Variants in KCNG2 observed in about 807,000 individuals in gnomAD.
The protein encoded by KCNG2 is potassium voltage-gated channel modifier subfamily G member 2, also known as voltage-gated potassium channel regulatory subunit KCNG2.
In KCNG2, 7 loss-of-function variants were observed where a neutral mutation model predicts 12.3. The ratio of observed to expected loss-of-function variants is 0.57; its 90% confidence interval spans 0.32 to 1.07. The LOEUF (loss-of-function observed/expected upper bound fraction) is 1.07, where lower values mean the gene tolerates loss of function less well. Among genes scored for constraint, KCNG2 ranks in the 50% least tolerant of loss-of-function variants. The pLI, the probability that KCNG2 is intolerant of heterozygous loss-of-function variation, is 0.04. For missense variants in KCNG2, 703 were observed against 726.0 expected (o/e 0.97, Z 0.36); for synonymous variants, 414 against 351.4 (o/e 1.18, Z -1.99).
At chr18:79,802,378 A>G (rs2087416684) in intron 1 of KCNG2, among the ~76,000 whole-genome samples, 1 of 151,814 alleles carries the variant, frequency 6.6e-6, no homozygotes, top group South Asian at 2.1e-4. Flanking sequence ...CCTGGCCTCA[A>G]CACCTGTCCC....
chr18:79,842,370 T>C (rs139758563), intron 1 of KCNG2, among the ~76,000 whole-genome samples: 124 of 152,306 alleles, frequency 8.1e-4, no homozygotes, highest in African/African-American at 2.8e-3. Flanking sequence ...GGGCTCTCCT[T>C]GCCAAAGCCA....
intron 3 of KCNG2, among the ~76,000 whole-genome samples, chr18:79,895,023 A>T (rs1980910413): frequency 6.6e-6 from 1 of 151,054 alleles, no homozygotes; most frequent in Non-Finnish European, 1.5e-5. Flanking sequence ...TACGATTGAT[A>T]TAGTTAGGTC....
chr18:79,884,494 C>T lies in KCNG2; in HGVS notation c.625-14546C>T, dbSNP rs1156398751. On this transcript the variant is annotated intron_variant, in intron 3 of 3. Transcript: ENST00000316249. This position sits in a 1 kb window ranked among gnomAD's most constrained non-coding sequence, Gnocchi z 5.5. ...GGATGGAGCCCCGGCCACTGGGTCCCCGGGGGAGAGCCAGGCTGTGATGTC... is the reference window on the plus strand; with the variant it reads ...GGATGGAGCCCCGGCCACTGGGTCCTCGGGGGAGAGCCAGGCTGTGATGTC... Among the ~76,000 whole-genome samples the T allele has an allele frequency of 6.6e-6, 1 of 152,194 alleles. No homozygotes were observed. The highest frequency in any genetic ancestry group is 1.5e-5 in the Non-Finnish European group (1 of 68,030).
intron 3 of KCNG2, among the ~76,000 whole-genome samples, chr18:79,864,600 C>T (rs67217537): frequency 0.35 from 53,386 of 151,936 alleles, 11,105 homozygotes; most frequent in Non-Finnish European, 0.45. Flanking sequence ...GCCCATCAGG[C>T]CTTCAAAGTT....
intron 1 of KCNG2, among the ~76,000 whole-genome samples, chr18:79,818,102 C>T (rs907842494): frequency 2.0e-5 from 3 of 152,240 alleles, no homozygotes; most frequent in Admixed American, 2.0e-4. Context: ...GCAGCACCTT[C>T]AGGCCAGGAA....
chr18:79,847,425 C>T (rs374767909), intron 1 of KCNG2, among the ~76,000 whole-genome samples: 10 of 152,206 alleles, frequency 6.6e-5, no homozygotes, highest in East Asian at 1.9e-4. Flanking sequence ...AACTGAGGGT[C>T]GCAGTGGATC....
At chr18:79,871,913 C>T (rs1047211671) in intron 3 of KCNG2, among the ~76,000 whole-genome samples, 1 of 152,128 alleles carries the variant, frequency 6.6e-6, no homozygotes, top group Non-Finnish European at 1.5e-5. Context: ...AGTGAGGACC[C>T]GCAGCAGATG....
At chr18:79,867,076 G>T (rs1599409667) in intron 3 of KCNG2, among the ~76,000 whole-genome samples, 1 of 131,174 alleles carries the variant, frequency 7.6e-6, no homozygotes, top group African/African-American at 3.1e-5. Context: ...CTGAGGCCTG[G>T]GTGCTGAGAG....
chr18:79,849,217 G>C (rs1308903915), intron 1 of KCNG2, among the ~76,000 whole-genome samples: 1 of 152,194 alleles, frequency 6.6e-6, no homozygotes, highest in Non-Finnish European at 1.5e-5. Flanking sequence ...CCTCCCCAGA[G>C]GGGCCTCCGA....
At chr18:79,804,816 A>C (rs2087436620) in intron 1 of KCNG2, among the ~76,000 whole-genome samples, 1 of 152,196 alleles carries the variant, frequency 6.6e-6, no homozygotes, top group African/African-American at 2.4e-5. Flanking sequence ...TTTATCACAG[A>C]AGACTTGGAA....
chr18:79,897,208 T>G (rs1981010107), intron 3 of KCNG2, among the ~76,000 whole-genome samples: 1 of 152,182 alleles, frequency 6.6e-6, no homozygotes, highest in Admixed American at 6.5e-5. Context: ...CCATTATGCA[T>G]ATATTGGTGC....
intron 1 of KCNG2, among the ~76,000 whole-genome samples, chr18:79,820,263 G>A (rs2087561273): frequency 6.6e-6 from 1 of 152,204 alleles, no homozygotes; most frequent in Non-Finnish European, 1.5e-5. Flanking sequence ...ATGCGGCTCT[G>A]AATGTCAGCA....
rs374626769 is a variant in KCNG2 at position 79,871,050 on chromosome 18, C to T, written c.624+6759C>T. Reference sequence around the variant, plus strand: ...CAATCCAAAGACCAGCACCGAGAGACCAGAGCTGTGGTTTCCGTCGAGCCT... The same window carrying T: ...CAATCCAAAGACCAGCACCGAGAGATCAGAGCTGTGGTTTCCGTCGAGCCT... On this transcript the variant is annotated intron_variant, in intron 3 of 3. Transcript: ENST00000316249. 7.2e-5 allele frequency among the ~76,000 whole-genome samples: 11 copies of T among 152,222 alleles called. No homozygotes were observed. The East Asian group carries it at 1.2e-3, about 16-fold the overall frequency.
At chr18:79,887,577 C>G (rs1329079500) in intron 3 of KCNG2, among the ~76,000 whole-genome samples, 1 of 152,126 alleles carries the variant, frequency 6.6e-6, no homozygotes, top group Non-Finnish European at 1.5e-5. Flanking sequence ...CCCAGCTGGG[C>G]GCATCAGGGT....
In KCNG2 at chr18:79,864,276, C is replaced by A. The variant is rs777029119; in HGVS notation, c.609C>A (p.Arg203=). Residue 203 remains arginine, a synonymous_variant, in exon 3 of 4, where the codon CGC becomes CGA. Coordinates refer to ENST00000316249, the MANE Select transcript of KCNG2 (RefSeq NM_012283.2). ...GLCLSTMPDI[R]AEEERGECSP... ...GCCTGAGCACCATGCCGGACATCCG[C>A]GCCGAGGAGGAGCGGGTGAGCGCGG... The A allele has an allele frequency of 6.5e-6, 10 of 1,535,062 alleles. No homozygotes were observed. The highest frequency in any genetic ancestry group is 8.7e-6 in the Non-Finnish European group (10 of 1,146,384).
chr18:79,803,371 T>C lies in KCNG2; in HGVS notation c.-115+5357T>C, dbSNP rs1340373206. Among the ~76,000 whole-genome samples the C allele has an allele frequency of 1.3e-5, 2 of 152,238 alleles. No homozygotes were observed. Among genetic ancestry groups the C allele is most frequent in the African/African-American group, 4.8e-5 (2 of 41,464 alleles). On this transcript the variant is annotated intron_variant, in intron 1 of 3. Transcript: ENST00000316249. The surrounding 1 kb of genome is among the most constrained non-coding windows in gnomAD (Gnocchi z 4.5). ...CCACTTCAAGATGACAGTTTCTGAC[T>C]GTGAACAAATTTCCTTGATTTAATT...
chr18:79,844,842 G>A (rs762319756), intron 1 of KCNG2, among the ~76,000 whole-genome samples: 1 of 152,220 alleles, frequency 6.6e-6, no homozygotes, highest in Non-Finnish European at 1.5e-5. Context: ...GAATTTGGCA[G>A]TTGCTTTAAA....
chr18:79,881,484 T>A (rs1425868483), intron 3 of KCNG2, among the ~76,000 whole-genome samples: 2 of 152,358 alleles, frequency 1.3e-5, no homozygotes, highest in Non-Finnish European at 2.9e-5. Context: ...GAATTCAAAT[T>A]TTTTAAAGTT....
chr18:79,898,795 C>G (rs1981072935), intron 3 of KCNG2, among the ~76,000 whole-genome samples: 1 of 152,262 alleles, frequency 6.6e-6, no homozygotes, highest in Non-Finnish European at 1.5e-5. Context: ...ATTATTTTCA[C>G]CAGTTTCCTG....
Sources: gnomAD v4.1 joint callset for allele counts (sites outside exome capture counted in the v4.1 genomes callset) on GRCh38, gnomAD v4.1.1 for gene constraint, Gnocchi (gnomAD v3.1) non-coding constraint, MANE v1.5 for transcripts, NCBI Gene and HGNC (gene_info 2026-07-23, HGNC 2026-07-21) for gene names.